DDX52: variants seen among roughly 807,000 people sequenced by gnomAD.
DDX52 encodes the protein DExD-box helicase 52, also known as probable ATP-dependent RNA helicase DDX52.
Under a neutral mutation model 76.1 loss-of-function variants are expected in DDX52, and 59 were observed. The observed-to-expected ratio is 0.78, with a 90% CI of 0.63 to 0.96. DDX52 has a LOEUF of 0.96. DDX52 is among the 40% of genes least tolerant of loss of function. The pLI, the probability that DDX52 is intolerant of heterozygous loss-of-function variation, is 0.00. For synonymous variants in DDX52, 231 were observed against 244.1 expected (o/e 0.95, Z 0.50); for missense variants, 707 against 703.9 (o/e 1.00, Z -0.05).
chr17:37,627,232 T>C (rs1346661226), intron 6 of DDX52, among the ~76,000 whole-genome samples: 3 of 152,188 alleles, frequency 2.0e-5, no homozygotes, highest in Non-Finnish European at 2.9e-5. Flanking sequence ...TGAGACAGTC[T>C]AGCTCTGTCG....
intron 9 of DDX52, among the ~76,000 whole-genome samples, chr17:37,623,734 T>C (rs1274530248): frequency 1.3e-5 from 2 of 152,208 alleles, no homozygotes; most frequent in East Asian, 1.9e-4. Context: ...TATGACTATA[T>C]GGATGCTTAA....
chr17:37,617,968 A>G (rs1315937585), intron 14 of DDX52, among the ~76,000 whole-genome samples: 1 of 151,976 alleles, frequency 6.6e-6, no homozygotes, highest in Non-Finnish European at 1.5e-5. Context: ...AAAAAAAAAT[A>G]GCTGGGTGTG....
intron 9 of DDX52, among the ~76,000 whole-genome samples, chr17:37,622,328 A>T (rs2030144960): frequency 6.9e-6 from 1 of 145,366 alleles, no homozygotes; most frequent in African/African-American, 2.5e-5. Context: ...GAGTCTTGCT[A>T]TGTTGCCCAG....
intron 8 of DDX52, among the ~76,000 whole-genome samples, chr17:37,625,588 T>C (rs1039382564): frequency 6.6e-6 from 1 of 152,196 alleles, no homozygotes; most frequent in Non-Finnish European, 1.5e-5. Context: ...GTGGTCCACT[T>C]ATTTAAGCCA....
rs558362210 is a variant in DDX52 at position 37,628,604 on chromosome 17, T to C, written c.816A>G (p.Ala272=). The change falls in exon 6 of 15, where the codon GCA becomes GCG. Residue 272 remains alanine (A), a synonymous_variant. Transcript: ENST00000617633. ...TAGGTCCAAATTTCTTGGCTGCCAC[T>C]GCTGCTTTGTGGATCATGTGTATTC... The part of the protein sequence containing the change: ...GFRIHMIHKA[A]VAAKKFGPKS... 2.8e-5 allele frequency: 45 copies of C among 1,612,936 alleles called. No individual in the cohort carries two copies. In the East Asian group the frequency reaches 9.8e-4, roughly 35 times the overall value.
chr17:37,619,333 T>G (rs1204522509), intron 13 of DDX52, among the ~76,000 whole-genome samples: 1 of 152,076 alleles, frequency 6.6e-6, no homozygotes, highest in Non-Finnish European at 1.5e-5. Context: ...GAGCTGAGAC[T>G]TCATCTCAAG....
rs755882686 is a variant in DDX52, at chr17:37,628,553, T to C, written c.859+8A>G. 1 of 1,605,578 alleles carries C rather than the reference T, an allele frequency of 6.2e-7. No homozygotes were observed. The highest frequency in any genetic ancestry group is 8.5e-7 in the Non-Finnish European group (1 of 1,174,688). ...GCTCTATCTACATCCCATGTATGAA[T>C]TCCTTACCAAACTTTTTAGATGATT... On this transcript the variant is annotated splice_region_variant and intron_variant, in intron 6 of 14. Transcript: ENST00000617633.
chr17:37,636,552 A>G (rs8075378), intron 2 of DDX52, among the ~76,000 whole-genome samples: 49,484 of 152,040 alleles, frequency 0.33, 9,598 homozygotes, highest in African/African-American at 0.53. Flanking sequence ...CGGGTGAACT[A>G]GATCTAGTCT....
intron 4 of DDX52, 57 bp from the exon 5 acceptor site, chr17:37,630,230 C>G: frequency 6.8e-7 from 1 of 1,471,208 alleles, no homozygotes; most frequent in Non-Finnish European, 9.0e-7. Flanking sequence ...TTTTCAGAGC[C>G]TGGTCAAATA....
chr17:37,618,257 G>A, intron 14 of DDX52, 35 bp downstream of exon 14: 1 of 1,518,464 alleles, frequency 6.6e-7, no homozygotes, highest in South Asian at 1.2e-5. Flanking sequence ...CTTTATGATG[G>A]TGTCAAACAG....
At chr17:37,626,987 T>G in intron 6 of DDX52, 127 bp from the exon 7 acceptor site, 1 of 679,410 alleles carries the variant, frequency 1.5e-6, no homozygotes, top group Admixed American at 3.0e-5. Flanking sequence ...AACACAAAAC[T>G]ATTATATCCC....
chr17:37,632,386 A>G (rs1029667034), intron 3 of DDX52, 88 bp from the exon 4 acceptor site: 1 of 1,482,296 alleles, frequency 6.7e-7, no homozygotes, highest in African/African-American at 1.4e-5. Flanking sequence ...AGTTTCTGGG[A>G]TAACCTTTAG....
intron 5 of DDX52, among the ~76,000 whole-genome samples, chr17:37,629,733 T>C (rs2030583462): frequency 6.6e-6 from 1 of 152,038 alleles, no homozygotes; most frequent in Non-Finnish European, 1.5e-5. Flanking sequence ...TTTTTTTAGA[T>C]GAGAAAAATA....
chr17:37,632,265 C>G lies in DDX52; in HGVS notation c.451G>C (p.Val151Leu), dbSNP rs375828957. 6.2e-7 allele frequency: 1 copy of G among 1,613,786 alleles called. No individual in the cohort carries two copies. Among genetic ancestry groups the G allele is most frequent in the Non-Finnish European group, 8.5e-7 (1 of 1,179,996 alleles). ...NFLRNKHKIHVQGTDLPDPIA... is the reference protein window; with the variant it reads ...NFLRNKHKIHLQGTDLPDPIA... Reference sequence around the variant, plus strand: ...GGGTCAGGAAGATCGGTTCCTTGGACGTGAATTTTGTGTTTATTCCGCAAG... The same window carrying G: ...GGGTCAGGAAGATCGGTTCCTTGGAGGTGAATTTTGTGTTTATTCCGCAAG... The change falls in exon 4 of 15, where the codon GTC becomes CTC. Residue 151 changes from valine (V) to leucine (L), a missense_variant. By Grantham distance (32) the Val-to-Leu change is conservative. Transcript: ENST00000617633.
chr17:37,618,748 G>A (rs1016876508), intron 13 of DDX52, among the ~76,000 whole-genome samples: 7 of 152,136 alleles, frequency 4.6e-5, no homozygotes, highest in African/African-American at 1.7e-4. Context: ...GCCTCCCAAA[G>A]TGCTGGGATT....
intron 5 of DDX52, among the ~76,000 whole-genome samples, 163 bp downstream of exon 5, chr17:37,629,867 T>A (rs1391896962): frequency 6.6e-6 from 1 of 152,178 alleles, no homozygotes; most frequent in Admixed American, 6.5e-5. Flanking sequence ...TTAAAAGACT[T>A]GCCCACATGG....
intron 2 of DDX52, among the ~76,000 whole-genome samples, chr17:37,638,897 A>G (rs1255401950): frequency 2.6e-5 from 4 of 151,570 alleles, no homozygotes; most frequent in Admixed American, 2.0e-4. Context: ...AGCCTCCCAA[A>G]TAGCTGGGAT....
intron 9 of DDX52, among the ~76,000 whole-genome samples, chr17:37,623,143 C>G (rs1317349528): frequency 2.0e-5 from 3 of 152,210 alleles, no homozygotes; most frequent in Admixed American, 1.3e-4. Context: ...GGCTGCTGCC[C>G]TTATTTCTTC....
At chr17:37,616,722 G>C (rs945410810) in intron 14 of DDX52, among the ~76,000 whole-genome samples, 1 of 151,654 alleles carries the variant, frequency 6.6e-6, no homozygotes, top group African/African-American at 2.4e-5. Flanking sequence ...AGTACAAATG[G>C]AATTTGTACT....
Sources: allele counts gnomAD v4.1 joint callset (sites outside exome capture counted in the v4.1 genomes callset), GRCh38; gene constraint gnomAD v4.1.1; transcripts MANE v1.5; gene names NCBI Gene and HGNC (gene_info 2026-07-23, HGNC 2026-07-21).